TMC6: variants seen among roughly 807,000 people sequenced by gnomAD.
TMC6 encodes the protein transmembrane channel-like protein 6.
A neutral mutation model predicts 95.4 loss-of-function variants in TMC6; 71 were observed. The ratio of observed to expected loss-of-function variants is 0.74; its 90% CI spans 0.61 to 0.91. TMC6 has a LOEUF of 0.91. Among genes scored for constraint, TMC6 ranks in the 40% least tolerant of loss-of-function variants. The pLI, the probability that TMC6 is intolerant of heterozygous loss-of-function variation, is 0.00. For missense variants in TMC6, 1,074 were observed against 1,079.1 expected, an observed-to-expected ratio of 1.00 and a Z score of 0.07; for synonymous variants, 514 against 483.1, an observed-to-expected ratio of 1.06 and a Z score of -0.84.
intron 18 of TMC6, among the ~76,000 whole-genome samples, chr17:78,115,331 A>C (rs2074011245): frequency 6.6e-6 from 1 of 152,106 alleles, no homozygotes; most frequent in Non-Finnish European, 1.5e-5. Flanking sequence ...GCGCCCCCCT[A>C]GCCCTGGTGT....
At position 78,121,510 on chromosome 17, in the gene TMC6, T is replaced by C. The variant is rs1394916843; in HGVS notation, c.1383+46A>G. On this transcript the variant is annotated intron_variant, in intron 11 of 19. Transcript: ENST00000590602. The surrounding 1 kb of genome is among the most constrained non-coding windows in gnomAD (Gnocchi z 5.6). ...CCAGGGGGCAGGTGCCCAGAGTCAC[T>C]GGGGACACGTTCCAAGCAAGGGCCA... 1 of 1,609,964 alleles carries C rather than the reference T, an allele frequency of 6.2e-7. No homozygotes were observed. The highest frequency in any genetic ancestry group is 2.2e-5 in the East Asian group (1 of 44,816).
At chr17:78,120,424 T>A (rs1439425708) in intron 13 of TMC6, 4 of 653,152 alleles carry the variant, frequency 6.1e-6, no homozygotes, top group South Asian at 5.9e-5. Context: ...CCTCCCAAAG[T>A]GCTGGGATTA....
chr17:78,113,948 C>G (rs1567980129), intron 18 of TMC6: 2 of 409,736 alleles, frequency 4.9e-6, no homozygotes, highest in Non-Finnish European at 9.2e-6. Context: ...ACTCTGTGAC[C>G]TCAGTGGCAG....
Position 78,121,234 on chromosome 17 carries a change from G to A in TMC6, c.1384-70C>T, listed in dbSNP as rs553350478. On this transcript the variant is annotated intron_variant, in intron 11 of 19. Transcript: ENST00000590602. This position sits in a 1 kb window ranked among gnomAD's most constrained non-coding sequence, Gnocchi z 5.6. ...GGTGGGAGCGGGCAGCTACAGGGAA[G>A]GGCCCGGGGTGGAACTGGCAGGTAG... 1.2e-3 allele frequency: 1,822 copies of A among 1,541,120 alleles called. 21 individuals are homozygous for A. In the African/African-American group the frequency reaches 0.021, roughly 17 times the overall value.
chr17:78,131,013 G>A (rs978843221), upstream of TMC6: 2 of 185,116 alleles, frequency 1.1e-5, no homozygotes, highest in Non-Finnish European at 2.3e-5. Context: ...GGGACTGGAG[G>A]CTGGACCACA....
At chr17:78,125,090 T>C (rs2074635941) in intron 6 of TMC6, 68 bp downstream of exon 6, 19 of 1,542,028 alleles carry the variant, frequency 1.2e-5, no homozygotes, top group Non-Finnish European at 1.7e-5. Flanking sequence ...CCCCACCACC[T>C]AGCCCAGCTG....
chr17:78,126,717 T>G, intron 2 of TMC6, 60 bp downstream of exon 2: 2 of 1,611,836 alleles, frequency 1.2e-6, no homozygotes, highest in Non-Finnish European at 1.7e-6. Context: ...CCTGCTCAGG[T>G]GACCTCTCCG....
Position 78,125,200 on chromosome 17 carries a change from A to T in TMC6, c.494T>A (p.Leu165His). The change falls in exon 6 of 20, where the codon CTT becomes CAT. Residue 165 changes from leucine to histidine, a missense_variant. Transcript: ENST00000590602. ...AGCCAGGCTTAAGGGCATCCCGCGA[A>T]GCATGTGGTCCCGCTGTGCCACTGC... ...SLAVAQRDHM[L>H]RGMPLSLAEK... The T allele has an allele frequency of 6.3e-7, 1 of 1,588,594 alleles. No individual in the cohort carries two copies. The highest frequency in any genetic ancestry group is 8.6e-7 in the Non-Finnish European group (1 of 1,167,194).
Position 78,121,620 on chromosome 17 carries a change from A to G in TMC6, c.1319T>C (p.Leu440Pro), listed in dbSNP as rs1190848591. The G allele has an allele frequency of 6.2e-7, 1 of 1,610,400 alleles. No homozygotes were observed. Among genetic ancestry groups the G allele is most frequent in the Admixed American group, 1.7e-5 (1 of 59,908 alleles). Reference sequence around the variant, plus strand: ...GCAGCCCAGCGCGGTCCCCAGACACAGCAGCCACACAAGCCCCAGCACAGC... The same window carrying G: ...GCAGCCCAGCGCGGTCCCCAGACACGGCAGCCACACAAGCCCCAGCACAGC... ...QAAVLGLVWL[L>P]CLGTALGCAV... Residue 440 changes from leucine (L) to proline (P), a missense_variant, in exon 11 of 20, where the codon CTG (leucine) becomes CCG (proline). Leu to Pro is a moderately conservative substitution (Grantham distance 98). Transcript: ENST00000590602. This position sits in a 1 kb window ranked among gnomAD's most constrained non-coding sequence, Gnocchi z 5.6.
chr17:78,109,365 C>T lies in TMC6; in HGVS notation c.*3783G>A, dbSNP rs547324656. 1.0e-4 allele frequency: 44 copies of T among 441,670 alleles called. No individual in the cohort carries two copies. Among genetic ancestry groups the T allele is most frequent in the East Asian group, 7.7e-4 (11 of 14,216 alleles). 27.4% of individuals were successfully genotyped at this position (441,670 alleles called of 1,614,324 possible). A position where few individuals can be genotyped will look rare whatever the true frequency, so the allele number is the denominator to read the frequency against. On this transcript the variant is annotated 3_prime_UTR_variant, in exon 20 of 20. Transcript: ENST00000590602. Reference sequence around the variant, plus strand: ...TCTACGGATGGACCAAGAAAACCTACGCAGGATCCACGTGGAAACAAAGCT... The same window carrying T: ...TCTACGGATGGACCAAGAAAACCTATGCAGGATCCACGTGGAAACAAAGCT...
chr17:78,131,745 C>G, upstream of TMC6: 1 of 1,577,762 alleles, frequency 6.3e-7, no homozygotes, highest in Non-Finnish European at 8.6e-7. Context: ...CTGGTGGGTG[C>G]CACGCGGGCG....
At position 78,109,360 on chromosome 17, in the gene TMC6, A is replaced by G; in HGVS notation, c.*3788T>C. 1 of 434,272 alleles carries G rather than the reference A, an allele frequency of 2.3e-6. No individual in the cohort carries two copies. Among genetic ancestry groups the G allele is most frequent in the South Asian group, 1.6e-5 (1 of 62,756 alleles). The allele number at this position is 434,272 out of a possible 1,614,324, so 26.9% of individuals were successfully genotyped here. On this transcript the variant is annotated 3_prime_UTR_variant, in exon 20 of 20. Coordinates refer to ENST00000590602, the MANE Select transcript of TMC6 (RefSeq NM_001127198.5). ...CGGTGTCTACGGATGGACCAAGAAA[A>G]CCTACGCAGGATCCACGTGGAAACA...
Position 78,119,006 on chromosome 17 carries a change from T to A in TMC6, c.1852A>T (p.Ile618Phe), listed in dbSNP as rs1259542640. Reference protein sequence around the residue: ...LFSPLLPAVQIIKLLLVFYVK... With the variant: ...LFSPLLPAVQFIKLLLVFYVK... ...TAGAAGACGAGCAGCAGCTTGATGA[T>A]CTGCACGGCGGGGAGGAGGGGCGAG... The change falls in exon 15 of 20, where the codon ATC (isoleucine) becomes TTC (phenylalanine). Residue 618 changes from isoleucine (I) to phenylalanine (F), a missense_variant. Coordinates refer to ENST00000590602, the MANE Select transcript of TMC6 (RefSeq NM_001127198.5). The A allele has an allele frequency of 2.5e-6, 4 of 1,605,480 alleles. No homozygotes were observed. The highest frequency in any genetic ancestry group is 1.7e-6 in the Non-Finnish European group (2 of 1,176,320).
Position 78,122,347 on chromosome 17 carries a change from G to A in TMC6, c.1227+258C>T, listed in dbSNP as rs980683591. Among the ~76,000 whole-genome samples, 1 of 152,030 alleles carries A rather than the reference G, an allele frequency of 6.6e-6. No individual in the cohort carries two copies. Among genetic ancestry groups the A allele is most frequent in the Non-Finnish European group, 1.5e-5 (1 of 67,988 alleles). The stretch of plus-strand genomic sequence containing the variant: ...GAGGCCTCAGGGCTGGCTCCCGGGT[G>A]CCCACGGGGCCATGGCGCTACTACG... On this transcript the variant is annotated intron_variant, in intron 10 of 19. Transcript: ENST00000590602. The surrounding 1 kb of genome is among the most constrained non-coding windows in gnomAD (Gnocchi z 4.9).
Position 78,122,924 on chromosome 17 carries a change from T to C in TMC6, c.1083-175A>G, listed in dbSNP as rs560992037. 198 of 832,938 alleles carry C rather than the reference T, an allele frequency of 2.4e-4. No individual in the cohort carries two copies. Among genetic ancestry groups the C allele is most frequent in the Admixed American group, 6.0e-4 (29 of 48,134 alleles). 51.6% of individuals were successfully genotyped at this position (832,938 alleles called of 1,614,324 possible). A position where few individuals can be genotyped will look rare whatever the true frequency, so the allele number is the denominator to read the frequency against. On this transcript the variant is annotated intron_variant, in intron 9 of 19. Coordinates refer to ENST00000590602, the MANE Select transcript of TMC6 (RefSeq NM_001127198.5). The surrounding 1 kb of genome is among the most constrained non-coding windows in gnomAD (Gnocchi z 4.9). ...CCCCACCACCAGCCCTCTACACCAG[T>C]CTCATCCAACATAGCACCCACCAGC...
chr17:78,118,988 CGAGCAGCAGCT>C lies in TMC6; in HGVS notation c.1859_1869del (p.Lys620SerfsTer137). On this transcript the variant is annotated frameshift_variant, in exon 15 of 20. Coordinates refer to ENST00000590602, the MANE Select transcript of TMC6 (RefSeq NM_001127198.5). LOFTEE classifies it high-confidence loss of function. ...AGCCTCACCTTCTTGACATAGAAGA[CGAGCAGCAGCT>C]TGATGATCTGCACGGCGGGGAGGAG... The C allele has an allele frequency of 6.2e-7, 1 of 1,604,712 alleles. No homozygotes were observed. The highest frequency in any genetic ancestry group is 8.5e-7 in the Non-Finnish European group (1 of 1,175,962).
chr17:78,113,191 G>C lies in TMC6; in HGVS notation c.2375C>G (p.Ala792Gly). ...TGTGAGCAGGGCAGGGGGTGCCGCA[G>C]CCTCCTCGGTTGTCCCAACCCTGCC... ...ERSRVGTTEE[A>G]AAPPALLTDE... Residue 792 changes from alanine to glycine, a missense_variant, in exon 20 of 20, where the codon GCT (alanine) becomes GGT (glycine). Ala to Gly is a moderately conservative substitution (Grantham distance 60). Transcript: ENST00000590602. 6.4e-7 allele frequency: 1 copy of C among 1,557,878 alleles called. No individual in the cohort carries two copies. The highest frequency in any genetic ancestry group is 1.2e-5 in the South Asian group (1 of 84,564).
At chr17:78,129,119 C>A (rs1357077487), upstream of TMC6, among the ~76,000 whole-genome samples, 3 of 114,894 alleles carry the variant, frequency 2.6e-5, no homozygotes, top group Non-Finnish European at 5.8e-5. This position sits in a 1 kb window ranked among gnomAD's most constrained non-coding sequence, Gnocchi z 4.3. Flanking sequence ...GGGCAGCGCC[C>A]CCCCCCCCGC....
intron 1 of TMC6, 66 bp from the exon 2 acceptor site, chr17:78,126,972 T>C (rs997520899): frequency 1.0e-6 from 1 of 977,972 alleles, no homozygotes; most frequent in Non-Finnish European, 1.6e-6. Context: ...ACACCACCCA[T>C]TCCTGGGGGA....
Sources: allele counts gnomAD v4.1 joint callset (sites outside exome capture counted in the v4.1 genomes callset), GRCh38; gene constraint gnomAD v4.1.1; non-coding constraint Gnocchi (gnomAD v3.1); transcripts MANE v1.5; gene names NCBI Gene and HGNC (gene_info 2026-07-23, HGNC 2026-07-21).